IMPACT: variants seen among roughly 807,000 people sequenced by gnomAD.
IMPACT encodes protein IMPACT.
IMPACT carries 35 observed loss-of-function variants against 47.5 expected under a neutral mutation model. That is an observed-to-expected ratio of 0.74 (90% confidence interval 0.56 to 0.98). The LOEUF is 0.98. Ranked by LOEUF, IMPACT falls within the 50% of genes least tolerant of loss-of-function variation. The probability of loss-of-function intolerance (pLI) is 0.00; values close to 1 mark genes in which losing one functional copy is unlikely to be tolerated. For missense variants in IMPACT, 373 were observed against 394.8 expected (o/e 0.94, Z 0.47); for synonymous variants, 118 against 125.6 (o/e 0.94, Z 0.40).
At chr18:24,431,968 C>T (rs1908769793) in intron 4 of IMPACT, among the ~76,000 whole-genome samples, 1 of 152,186 alleles carries the variant, frequency 6.6e-6, no homozygotes, top group African/African-American at 2.4e-5. Context: ...TCCCAAAGTG[C>T]TGGGATTACA....
intron 3 of IMPACT, among the ~76,000 whole-genome samples, 177 bp from the exon 4 acceptor site, chr18:24,430,145 G>A (rs1292174132): frequency 6.6e-6 from 1 of 152,122 alleles, no homozygotes; most frequent in Non-Finnish European, 1.5e-5. Context: ...TCTTGGGAAG[G>A]CTGAATGAAT....
At chr18:24,427,832 G>A (rs747184118) in intron 1 of IMPACT, 87 bp from the exon 2 acceptor site, 26 of 1,327,760 alleles carry the variant, frequency 2.0e-5, no homozygotes, top group Non-Finnish European at 2.6e-5. Context: ...CTCTGGTAAT[G>A]TTGAATTTGA....
rs1275768987 is a variant in IMPACT, at chr18:24,451,059, G to C, written c.*212G>C. On this transcript the variant is annotated 3_prime_UTR_variant, in exon 11 of 11. Coordinates refer to ENST00000284202, the MANE Select transcript of IMPACT (RefSeq NM_018439.4). Reference sequence around the variant, plus strand: ...ATGTGTGTTTCAGGCTTATTTGGGAGAACTAATTTGAACTTAATCACCACT... The same window carrying C: ...ATGTGTGTTTCAGGCTTATTTGGGACAACTAATTTGAACTTAATCACCACT... The C allele has an allele frequency of 1.1e-5, 4 of 361,794 alleles. No individual in the cohort carries two copies. Among genetic ancestry groups the C allele is most frequent in the African/African-American group, 8.4e-5 (4 of 47,662 alleles). 22.4% of individuals were successfully genotyped at this position (361,794 alleles called of 1,614,324 possible). A position where few individuals can be genotyped will look rare whatever the true frequency, so the allele number is the denominator to read the frequency against.
Position 24,453,375 on chromosome 18 carries a change from ATTATT to A in IMPACT, c.*2531_*2535del, listed in dbSNP as rs1309095499. 2 of 152,098 alleles carry A rather than the reference ATTATT, an allele frequency of 1.3e-5. No individual in the cohort carries two copies. Among genetic ancestry groups the A allele is most frequent in the Admixed American group, 6.6e-5 (1 of 15,266 alleles). The allele number at this position is 152,098 out of a possible 1,614,324, so 9.4% of individuals were successfully genotyped here. A position where few individuals can be genotyped will look rare whatever the true frequency, so the allele number is the denominator to read the frequency against. ...TAATATTTGGTATGTACATCCTTATATTATTTTTTTCTTATGCATGATTTTGTATA... is the reference window on the plus strand; with the variant it reads ...TAATATTTGGTATGTACATCCTTATATTTTTCTTATGCATGATTTTGTATA... On this transcript the variant is annotated 3_prime_UTR_variant, in exon 11 of 11. Coordinates refer to ENST00000284202, the MANE Select transcript of IMPACT (RefSeq NM_018439.4).
At chr18:24,440,446 C>T in intron 5 of IMPACT, 50 bp from the exon 6 acceptor site, 1 of 1,580,994 alleles carries the variant, frequency 6.3e-7, no homozygotes, top group Non-Finnish European at 8.6e-7. Flanking sequence ...TTTTAAAAAG[C>T]ATCGTTTCTT....
intron 8 of IMPACT, among the ~76,000 whole-genome samples, chr18:24,446,043 A>G (rs909751481): frequency 6.6e-6 from 1 of 151,716 alleles, no homozygotes; most frequent in Non-Finnish European, 1.5e-5. Flanking sequence ...CAATTTTGAA[A>G]CTCTTGATAT....
rs769188642 is a variant in IMPACT at position 24,428,039 on chromosome 18, T to G, written c.157T>G (p.Cys53Gly). ...DDIDDPKWTL[C>G]LQVMLPNEYP... ...TATAGATGACCCCAAATGGACACTT[T>G]GCTTGCAGGTACTTTTTCCCCCTTC... Residue 53 changes from cysteine to glycine, a missense_variant, in exon 2 of 11, where the codon TGC (cysteine) becomes GGC (glycine). Coordinates refer to ENST00000284202, the MANE Select transcript of IMPACT (RefSeq NM_018439.4). 1.1e-5 allele frequency: 17 copies of G among 1,572,864 alleles called. No homozygotes were observed. The South Asian group carries it at 1.9e-4, about 18-fold the overall frequency.
At chr18:24,431,660 G>C (rs540267688) in intron 4 of IMPACT, among the ~76,000 whole-genome samples, 1 of 151,230 alleles carries the variant, frequency 6.6e-6, no homozygotes, top group South Asian at 2.1e-4. Flanking sequence ...CTATAGATAC[G>C]TGCCACCGTG....
At chr18:24,442,237 T>G (rs1275506652) in intron 6 of IMPACT, among the ~76,000 whole-genome samples, 3 of 142,378 alleles carry the variant, frequency 2.1e-5, no homozygotes, top group Non-Finnish European at 4.5e-5. Context: ...CACTGCAACC[T>G]CCGCCTCCCA....
chr18:24,443,473 GGCCTGTCACT>G (rs1879763122), intron 7 of IMPACT, among the ~76,000 whole-genome samples: 2 of 152,028 alleles, frequency 1.3e-5, no homozygotes, highest in South Asian at 4.1e-4. Context: ...CACCTAGCCA[GGCCTGTCACT>G]GCTTTCAAAA....
chr18:24,442,577 G>T (rs1014120135), intron 6 of IMPACT, among the ~76,000 whole-genome samples: 11 of 152,196 alleles, frequency 7.2e-5, no homozygotes, highest in African/African-American at 2.7e-4. Context: ...AGTTTCATTA[G>T]CAGAAGGCAT....
At chr18:24,441,303 C>T (rs1366895894) in intron 6 of IMPACT, among the ~76,000 whole-genome samples, 1 of 152,178 alleles carries the variant, frequency 6.6e-6, no homozygotes, top group Admixed American at 6.5e-5. Context: ...AGTGATTCTC[C>T]TGCCTCAGCC....
At chr18:24,444,686 A>G (rs1355224623) in intron 7 of IMPACT, among the ~76,000 whole-genome samples, 4 of 152,164 alleles carry the variant, frequency 2.6e-5, no homozygotes, top group Admixed American at 2.0e-4. Flanking sequence ...TTTTGTTCCC[A>G]CTAAGGTTGC....
At chr18:24,427,709 G>C in intron 1 of IMPACT, 1 of 514,412 alleles carries the variant, frequency 1.9e-6, no homozygotes, top group Non-Finnish European at 3.4e-6. Flanking sequence ...CAGTAGCAAG[G>C]CTGGCTCCAG....
chr18:24,442,297 G>T (rs910451868), intron 6 of IMPACT, among the ~76,000 whole-genome samples: 1 of 151,888 alleles, frequency 6.6e-6, no homozygotes, highest in Admixed American at 6.6e-5. Context: ...GGAATTACAG[G>T]CACACGCCAC....
intron 2 of IMPACT, 76 bp downstream of exon 2, chr18:24,428,123 A>C (rs1047648270): frequency 3.1e-6 from 4 of 1,292,734 alleles, no homozygotes; most frequent in African/African-American, 1.5e-5. Context: ...TATTCTAATG[A>C]TTGTGTTGTT....
At chr18:24,438,492 GT>G (rs1443750923) in intron 5 of IMPACT, among the ~76,000 whole-genome samples, 10 of 152,134 alleles carry the variant, frequency 6.6e-5, no homozygotes, top group Non-Finnish European at 1.2e-4. Context: ...GTTGTTCAGT[GT>G]TTCCTTGACT....
chr18:24,438,510 C>T (rs1439558353), intron 5 of IMPACT, among the ~76,000 whole-genome samples: 1 of 152,164 alleles, frequency 6.6e-6, no homozygotes, highest in Non-Finnish European at 1.5e-5. Flanking sequence ...GACTTATAAC[C>T]TTGACACTTA....
intron 4 of IMPACT, among the ~76,000 whole-genome samples, chr18:24,434,817 A>T: frequency 6.9e-6 from 1 of 144,456 alleles, no homozygotes; most frequent in Non-Finnish European, 1.5e-5. Context: ...GTGTATATAT[A>T]TGTGTATTAT....
Sources: allele counts gnomAD v4.1 joint callset (sites outside exome capture counted in the v4.1 genomes callset), GRCh38; gene constraint gnomAD v4.1.1; transcripts MANE v1.5; gene names NCBI Gene and HGNC (gene_info 2026-07-23, HGNC 2026-07-21).